The following FIG4 variants were observed in gnomAD, a reference collection of about 807,000 sequenced individuals.
FIG4 encodes the protein polyphosphoinositide phosphatase.
A neutral mutation model predicts 118.6 loss-of-function variants in FIG4; 112 were observed. The observed-to-expected ratio is 0.94, with a 90% CI of 0.81 to 1.11. The LOEUF is 1.11. Ranked by LOEUF, FIG4 falls within the 50% of genes least tolerant of loss-of-function variation. The pLI is 0.00. For missense variants in FIG4, 969 were observed against 1,111.7 expected (o/e 0.87, Z 1.83); for synonymous variants, 369 against 381.2 (o/e 0.97, Z 0.37).
Position 109,691,521 on chromosome 6 carries a change from G to T in FIG4, c.66+20G>T. The T allele has an allele frequency of 6.4e-7, 1 of 1,562,174 alleles. No homozygotes were observed. Among genetic ancestry groups the T allele is most frequent in the Non-Finnish European group, 8.7e-7 (1 of 1,152,088 alleles). ...AGAGCTGTGAGTACCCCCTCGCGGC[G>T]GGGCGCAGGCGGGAGGATGGATGTC... On this transcript the variant is annotated intron_variant, in intron 1 of 22. Transcript: ENST00000230124.
intron 5 of FIG4, 46 bp downstream of exon 5, chr6:109,732,733 A>T: frequency 2.6e-6 from 3 of 1,164,234 alleles, no homozygotes; most frequent in Admixed American, 1.7e-5. Flanking sequence ...ATAAACTTTT[A>T]TATTATTTTC....
chr6:109,742,577 A>G (rs1212665888), intron 8 of FIG4, among the ~76,000 whole-genome samples: 3 of 152,064 alleles, frequency 2.0e-5, no homozygotes, highest in African/African-American at 4.8e-5. Context: ...CAGCTATATT[A>G]TTTACTTTTG....
chr6:109,793,348 A>G (rs949237542), intron 21 of FIG4, among the ~76,000 whole-genome samples: 2 of 152,252 alleles, frequency 1.3e-5, no homozygotes, highest in Non-Finnish European at 2.9e-5. Flanking sequence ...GAAAAAGAAA[A>G]CAGTAATAAT....
In FIG4 at chr6:109,796,868, A is replaced by T. The variant is rs1050332219; in HGVS notation, c.2546+17A>T. ...TATAAAACTGTAAGTACTAGATTAG[A>T]TCTTTAAAGAAATCTTTGTATTCAT... On this transcript the variant is annotated intron_variant, in intron 22 of 22. Coordinates refer to ENST00000230124, the MANE Select transcript of FIG4 (RefSeq NM_014845.6). 5 of 1,397,670 alleles carry T rather than the reference A, an allele frequency of 3.6e-6. No homozygotes were observed. Among genetic ancestry groups the T allele is most frequent in the East Asian group, 4.6e-5 (2 of 43,854 alleles). 86.6% of individuals were successfully genotyped at this position (1,397,670 alleles called of 1,614,324 possible). A position where few individuals can be genotyped will look rare whatever the true frequency, so the allele number is the denominator to read the frequency against.
At chr6:109,771,898 C>CA (rs1777477267) in intron 15 of FIG4, among the ~76,000 whole-genome samples, 2 of 152,148 alleles carry the variant, frequency 1.3e-5, no homozygotes, top group Admixed American at 1.3e-4. Context: ...TTGCCATTAA[C>CA]ATAAAAGCAT....
At chr6:109,808,811 A>G (rs1335723335) in intron 22 of FIG4, among the ~76,000 whole-genome samples, 4 of 152,146 alleles carry the variant, frequency 2.6e-5, no homozygotes, top group African/African-American at 4.8e-5. Flanking sequence ...ATTTTTGAAC[A>G]CGTATATCTA....
intron 22 of FIG4, among the ~76,000 whole-genome samples, chr6:109,800,187 C>T (rs1451751616): frequency 6.6e-6 from 1 of 152,200 alleles, no homozygotes; most frequent in East Asian, 1.9e-4. Context: ...TGATCTCCAT[C>T]ACTAAGCTAT....
chr6:109,762,095 C>T lies in FIG4; in HGVS notation c.1276C>T (p.Leu426=). 1 of 1,597,340 alleles carries T rather than the reference C, an allele frequency of 6.3e-7. No homozygotes were observed. The highest frequency in any genetic ancestry group is 2.2e-5 in the East Asian group (1 of 44,782). Residue 426 remains leucine, a synonymous_variant, in exon 12 of 23, where the codon CTG becomes TTG. Transcript: ENST00000230124. ...CATTCTTCCTTCTCTCCTCAGCAAG[C>T]TGTGTAATGTTCTTGATCGACTAAA... ...WDMAKYTKSK[L]CNVLDRLNVI...
intron 3 of FIG4, among the ~76,000 whole-genome samples, chr6:109,722,393 A>T (rs188250460): frequency 2.8e-4 from 43 of 152,172 alleles, no homozygotes; most frequent in African/African-American, 1.0e-3. Flanking sequence ...GTATTCAATT[A>T]GTCATTCTTT....
chr6:109,803,612 TTC>T (rs1370395795), intron 22 of FIG4, among the ~76,000 whole-genome samples: 2 of 147,502 alleles, frequency 1.4e-5, no homozygotes, highest in Non-Finnish European at 3.0e-5. Context: ...TAAGTTAAAT[TTC>T]TTTTTTCTTT....
In FIG4 at chr6:109,785,582, A is replaced by C. The variant is rs1013438220; in HGVS notation, c.1948+554A>C. The C allele has an allele frequency of 1.3e-5, 6 of 449,080 alleles. No homozygotes were observed. The Admixed American group carries it at 1.5e-4, about 11-fold the overall frequency. 27.8% of individuals were successfully genotyped at this position (449,080 alleles called of 1,614,324 possible). A position where few individuals can be genotyped will look rare whatever the true frequency, so the allele number is the denominator to read the frequency against. On this transcript the variant is annotated intron_variant, in intron 17 of 22. Coordinates refer to ENST00000230124, the MANE Select transcript of FIG4 (RefSeq NM_014845.6). ...CATTAGAATGATGTTTCCAAATTTA[A>C]ATAATTGCCAAATTTTAAATAAAGC...
At chr6:109,778,403 G>A (rs930908712) in intron 16 of FIG4, among the ~76,000 whole-genome samples, 2 of 151,126 alleles carry the variant, frequency 1.3e-5, no homozygotes, top group Admixed American at 6.6e-5. Context: ...CCAGGAGGCA[G>A]AGGTTGTCAT....
chr6:109,710,377 T>C (rs1775218726), intron 1 of FIG4, among the ~76,000 whole-genome samples: 1 of 152,228 alleles, frequency 6.6e-6, no homozygotes, highest in South Asian at 2.1e-4. Context: ...TTGAGGATTT[T>C]TGCATTGGTG....
intron 1 of FIG4, among the ~76,000 whole-genome samples, chr6:109,693,249 T>G (rs1268715847): frequency 2.0e-5 from 3 of 152,218 alleles, no homozygotes; most frequent in East Asian, 3.8e-4. Context: ...ACCATGTGCC[T>G]TCATATGCCT....
Position 109,743,342 on chromosome 6 carries a change from A to G in FIG4, c.1039+70A>G, listed in dbSNP as rs555832906. 20 of 1,457,568 alleles carry G rather than the reference A, an allele frequency of 1.4e-5. 1 individual carries two copies. The Admixed American group carries it at 3.2e-4, about 23-fold the overall frequency. The allele number at this position is 1,457,568 out of a possible 1,614,324, so 90.3% of individuals were successfully genotyped here. A position where few individuals can be genotyped will look rare whatever the true frequency, so the allele number is the denominator to read the frequency against. On this transcript the variant is annotated intron_variant, in intron 9 of 22. Transcript: ENST00000230124. ...TAGAGATAATGAACTGTTGTCACAG[A>G]AATCTCATAAATGCTTAGGTTTTCA... is the stretch of plus-strand genomic sequence containing the variant.
intron 1 of FIG4, among the ~76,000 whole-genome samples, chr6:109,705,951 A>G (rs918745314): frequency 6.6e-6 from 1 of 152,204 alleles, no homozygotes; most frequent in Non-Finnish European, 1.5e-5. Context: ...CCATTTTTCT[A>G]TGTGCTTACC....
At chr6:109,785,897 G>A (rs912464224) in intron 17 of FIG4, 6 of 315,088 alleles carry the variant, frequency 1.9e-5, no homozygotes, top group South Asian at 5.5e-5. Flanking sequence ...CTGGGAGAAA[G>A]GAAAGGGTTT....
rs1466735496 is a variant in FIG4, at chr6:109,727,129, G to T, written c.310G>T (p.Gly104Cys). ...GVVGFVRFLE[G>C]YYIVLITKRR... ...CATAGGTTTTGTCAGGTTCTTAGAA[G>T]GCTATTATATTGTGTTAATAACTAA... Residue 104 changes from glycine to cysteine, a missense_variant, in exon 4 of 23, where the codon GGC (glycine) becomes TGC (cysteine). Transcript: ENST00000230124. 6.2e-7 allele frequency: 1 copy of T among 1,611,108 alleles called. No individual in the cohort carries two copies. Among genetic ancestry groups the T allele is most frequent in the Non-Finnish European group, 8.5e-7 (1 of 1,177,328 alleles).
intron 1 of FIG4, among the ~76,000 whole-genome samples, chr6:109,703,663 T>C (rs1435440227): frequency 2.6e-5 from 4 of 152,200 alleles, no homozygotes; most frequent in African/African-American, 9.7e-5. Flanking sequence ...GTTTTGCACC[T>C]CAGACATCTC....
Sources: gnomAD v4.1 joint callset for allele counts (sites outside exome capture counted in the v4.1 genomes callset) on GRCh38, gnomAD v4.1.1 for gene constraint, MANE v1.5 for transcripts, NCBI Gene and HGNC (gene_info 2026-07-23, HGNC 2026-07-21) for gene names.